The following TARBP1 variants were observed in gnomAD, a reference collection of about 807,000 sequenced individuals.
TARBP1 encodes the protein tRNA (guanosine(18)-2'-O)-methyltransferase TARBP1.
A neutral mutation model predicts 178.6 loss-of-function variants in TARBP1; 144 were observed. That is an observed-to-expected ratio of 0.81 (90% CI 0.70 to 0.93). The LOEUF is 0.93. TARBP1 is among the 40% of genes least tolerant of loss of function. TARBP1 has a pLI of 0.00. For synonymous variants in TARBP1, 787 were observed against 781.0 expected, an observed-to-expected ratio of 1.01 and a Z score of -0.13; for missense variants, 2,067 against 2,011.7, an observed-to-expected ratio of 1.03 and a Z score of -0.53.
intron 3 of TARBP1, among the ~76,000 whole-genome samples, chr1:234,470,681 T>A (rs1300226800): frequency 6.7e-6 from 1 of 150,002 alleles, no homozygotes; most frequent in Non-Finnish European, 1.5e-5. Context: ...AGCAGTGTGA[T>A]CTTGGCTCAC....
chr1:234,478,355 CGGGCGCG>C lies in TARBP1; in HGVS notation c.742_748del (p.Arg248AlafsTer30). 7.9e-7 allele frequency: 1 copy of C among 1,267,474 alleles called. No individual in the cohort carries two copies. The highest frequency in any genetic ancestry group is 2.8e-5 in the South Asian group (1 of 35,454). The allele number at this position is 1,267,474 out of a possible 1,614,324, so 78.5% of individuals were successfully genotyped here. The stretch of plus-strand genomic sequence containing the variant: ...GTCCGGGCCCGCCTCGCGCGCGCCG[CGGGCGCG>C]GTCGCCGCCGGGCTCGGGCAACAGC... On this transcript the variant is annotated frameshift_variant, in exon 1 of 30. Transcript: ENST00000040877. LOFTEE classifies it high-confidence loss of function.
chr1:234,468,078 C>A (rs1040954809), intron 3 of TARBP1, among the ~76,000 whole-genome samples: 5 of 152,156 alleles, frequency 3.3e-5, no homozygotes, highest in Non-Finnish European at 5.9e-5. Flanking sequence ...CGCACCCAGA[C>A]TGTTTTTAGT....
chr1:234,411,844 C>A (rs1265080168), intron 22 of TARBP1, among the ~76,000 whole-genome samples: 1 of 152,006 alleles, frequency 6.6e-6, no homozygotes, highest in African/African-American at 2.4e-5. Flanking sequence ...TGATAAATGC[C>A]AGACAGATTG....
chr1:234,438,147 T>C (rs57633759), intron 12 of TARBP1, among the ~76,000 whole-genome samples: 2,219 of 152,334 alleles, frequency 0.015, 52 homozygotes, highest in African/African-American at 0.05. Flanking sequence ...CCTAACCAGG[T>C]TGACTGTGTA....
chr1:234,431,812 T>C (rs1664456476), intron 14 of TARBP1, among the ~76,000 whole-genome samples: 1 of 152,202 alleles, frequency 6.6e-6, no homozygotes, highest in African/African-American at 2.4e-5. Context: ...AAGCCTGTGC[T>C]CTTCATTACT....
At chr1:234,450,733 A>G (rs1666662733) in intron 9 of TARBP1, among the ~76,000 whole-genome samples, 167 bp from the exon 10 acceptor site, 1 of 152,116 alleles carries the variant, frequency 6.6e-6, no homozygotes, top group South Asian at 2.1e-4. Context: ...GACAGTAAAA[A>G]CAAAAAAACT....
In TARBP1 at chr1:234,434,172, A is replaced by G. The variant is rs908050288; in HGVS notation, c.2233-601T>C. On this transcript the variant is annotated intron_variant, in intron 13 of 29. Transcript: ENST00000040877. The stretch of plus-strand genomic sequence containing the variant: ...TTCAGGTGGGGAGATGGATGACTCA[A>G]TTGTGAAATGTGCCATAATTGTGCT... Among the ~76,000 whole-genome samples the G allele has an allele frequency of 2.0e-5, 3 of 152,310 alleles. No homozygotes were observed. In the East Asian group the frequency reaches 5.8e-4, roughly 29 times the overall value.
chr1:234,412,852 C>T (rs1661994898), intron 22 of TARBP1, among the ~76,000 whole-genome samples: 1 of 152,088 alleles, frequency 6.6e-6, no homozygotes, highest in South Asian at 2.1e-4. Context: ...GTCAACCAAC[C>T]CTCCCTACAT....
At chr1:234,475,874 GAA>G (rs1669525645) in intron 1 of TARBP1, among the ~76,000 whole-genome samples, 1 of 152,214 alleles carries the variant, frequency 6.6e-6, no homozygotes, top group Admixed American at 6.5e-5. Flanking sequence ...CAAAATCTGG[GAA>G]AAGTTTGTAA....
At position 234,443,898 on chromosome 1, in the gene TARBP1, C is replaced by T. The variant is rs147588189; in HGVS notation, c.2134+2905G>A. On this transcript the variant is annotated intron_variant, in intron 12 of 29. Coordinates refer to ENST00000040877, the MANE Select transcript of TARBP1 (RefSeq NM_005646.4). ...TGTATGATTCCACTTCTAGGAGGTA[C>T]CCAGAGGAGTCAAACTCATAGAGAC... 3.3e-5 allele frequency among the ~76,000 whole-genome samples: 5 copies of T among 152,198 alleles called. No individual in the cohort carries two copies. In the East Asian group the frequency reaches 7.7e-4, roughly 23 times the overall value.
intron 13 of TARBP1, among the ~76,000 whole-genome samples, chr1:234,434,584 A>G (rs1664812224): frequency 1.3e-5 from 2 of 152,220 alleles, no homozygotes; most frequent in Admixed American, 1.3e-4. Flanking sequence ...TGTAGGAATT[A>G]TAATGAGGGA....
chr1:234,451,881 C>T (rs908618824), intron 9 of TARBP1, among the ~76,000 whole-genome samples: 1 of 151,962 alleles, frequency 6.6e-6, no homozygotes, highest in Admixed American at 6.6e-5. Flanking sequence ...TTTATCAAGT[C>T]GGATAATCTT....
intron 6 of TARBP1, among the ~76,000 whole-genome samples, chr1:234,461,694 T>C (rs1397352131): frequency 5.9e-5 from 9 of 152,204 alleles, no homozygotes; most frequent in Admixed American, 3.3e-4. Context: ...TGATGGTTAG[T>C]GGCCTCTAGT....
intron 21 of TARBP1, 125 bp from the exon 22 acceptor site, chr1:234,418,358 G>T: frequency 1.3e-6 from 1 of 761,002 alleles, no homozygotes; most frequent in Non-Finnish European, 2.0e-6. Context: ...ACAACTCTCC[G>T]AGCAAAGACT....
chr1:234,394,529 G>C (rs1027840208), intron 26 of TARBP1, among the ~76,000 whole-genome samples: 1 of 152,208 alleles, frequency 6.6e-6, no homozygotes. Context: ...GCAAATAACT[G>C]TAACACAGTA....
intron 13 of TARBP1, among the ~76,000 whole-genome samples, chr1:234,433,920 C>T (rs1397715300): frequency 2.6e-5 from 4 of 152,210 alleles, no homozygotes; most frequent in Non-Finnish European, 5.9e-5. Flanking sequence ...ATGGTTATAG[C>T]AATGACTACT....
chr1:234,402,583 G>T (rs908923782), intron 24 of TARBP1, among the ~76,000 whole-genome samples: 3 of 147,412 alleles, frequency 2.0e-5, no homozygotes, highest in African/African-American at 7.5e-5. Context: ...TTGTTTGTTT[G>T]TTTTTTTTTT....
chr1:234,392,420 A>C lies in TARBP1; in HGVS notation c.4693T>G (p.Leu1565Val), dbSNP rs1437526412. The change falls in exon 29 of 30, where the codon TTG becomes GTG. Residue 1565 changes from leucine (L) to valine (V), a missense_variant. Transcript: ENST00000040877. Reference sequence around the variant, plus strand: ...TGGACACAAGAAGCTTCTTACCCCAACAAGAGCAGAGATTTCTCAGGAAAG... The same window carrying C: ...TGGACACAAGAAGCTTCTTACCCCACCAAGAGCAGAGATTTCTCAGGAAAG... The part of the protein sequence containing the change: ...YCFPEKSLLL[L>V]GNEREGIPAN... 1 of 1,613,986 alleles carries C rather than the reference A, an allele frequency of 6.2e-7. No individual in the cohort carries two copies. Among genetic ancestry groups the C allele is most frequent in the Admixed American group, 1.7e-5 (1 of 60,006 alleles).
rs370346980 is a variant in TARBP1, at chr1:234,393,422, G to C, written c.4500C>G (p.Ile1500Met). The C allele has an allele frequency of 3.1e-6, 5 of 1,610,298 alleles. No individual in the cohort carries two copies. The highest frequency in any genetic ancestry group is 4.2e-6 in the Non-Finnish European group (5 of 1,177,702). Residue 1500 changes from isoleucine to methionine, a missense_variant, in exon 28 of 30, where the codon ATC (isoleucine) becomes ATG (methionine). Coordinates refer to ENST00000040877, the MANE Select transcript of TARBP1 (RefSeq NM_005646.4). ...SVLVVGSLQC[I>M]SDKQFQHLSV... ...TGAGGTGCTGAAACTGTTTGTCGCT[G>C]ATACACTGAAGGCTGCCAACAACGA...
Sources: allele counts gnomAD v4.1 joint callset (sites outside exome capture counted in the v4.1 genomes callset), GRCh38; gene constraint gnomAD v4.1.1; transcripts MANE v1.5; gene names NCBI Gene and HGNC (gene_info 2026-07-23, HGNC 2026-07-21).